The following MYH4 variants were observed in gnomAD, a reference collection of about 807,000 sequenced individuals.
MYH4 encodes the protein myosin-4.
In MYH4, 200 loss-of-function variants were observed where a neutral mutation model predicts 229.9. The observed-to-expected ratio is 0.87, with a 90% confidence interval of 0.78 to 0.98. MYH4 has a LOEUF of 0.98. Among genes scored for constraint, MYH4 ranks in the 50% least tolerant of loss-of-function variants. The pLI, the probability that MYH4 is intolerant of heterozygous loss-of-function variation, is 0.00. For synonymous variants in MYH4, 761 were observed against 834.6 expected, an observed-to-expected ratio of 0.91 and a Z score of 1.52; for missense variants, 2,148 against 2,332.6, an observed-to-expected ratio of 0.92 and a Z score of 1.63.
At chr17:10,463,704 C>CCGGGCGCGGTGG in intron 7 of MYH4, 61 bp from the exon 8 acceptor site, 2 of 1,319,498 alleles carry the variant, frequency 1.5e-6, no homozygotes, top group Non-Finnish European at 2.1e-6. Flanking sequence ...TTCCCATTGA[C>CCGGGCGCGGTGG]CTCTTTCCCT....
chr17:10,461,295 T>G (rs1469796620), intron 11 of MYH4, among the ~76,000 whole-genome samples: 1 of 152,188 alleles, frequency 6.6e-6, no homozygotes, highest in African/African-American at 2.4e-5. Context: ...TGATGTGACT[T>G]GTCCACACTC....
intron 12 of MYH4, among the ~76,000 whole-genome samples, chr17:10,460,567 G>C: frequency 6.6e-6 from 1 of 152,190 alleles, no homozygotes; most frequent in South Asian, 2.1e-4. Context: ...CCTGGCAAAA[G>C]TAGACCACAG....
At chr17:10,448,556 A>G in intron 32 of MYH4, 36 bp from the exon 33 acceptor site, 1 of 1,610,050 alleles carries the variant, frequency 6.2e-7, no homozygotes, top group Non-Finnish European at 8.5e-7. Context: ...AGTTAAGTAG[A>G]AAGAAAAATT....
At position 10,443,347 on chromosome 17, in the gene MYH4, T is replaced by C; in HGVS notation, c.*28A>G. On this transcript the variant is annotated 3_prime_UTR_variant, in exon 40 of 40. Transcript: ENST00000255381. The surrounding 1 kb of genome is among the most constrained non-coding windows in gnomAD (Gnocchi z 4.6). ...GAACTTCACATTTCGTGCATTTCTT[T>C]GGTCACATTTTCTTTCATTAGAATG... 1.2e-6 allele frequency: 2 copies of C among 1,610,772 alleles called. No homozygotes were observed. Among genetic ancestry groups the C allele is most frequent in the South Asian group, 2.2e-5 (2 of 90,848 alleles).
chr17:10,449,772 A>G (rs998746314), intron 30 of MYH4, among the ~76,000 whole-genome samples: 7 of 152,124 alleles, frequency 4.6e-5, no homozygotes, highest in Non-Finnish European at 8.8e-5. Context: ...TCACCAACCT[A>G]TGTAATTCAT....
In MYH4 at chr17:10,450,511, A is replaced by G; in HGVS notation, c.4123T>C (p.Trp1375Arg). 6.2e-7 allele frequency: 1 copy of G among 1,614,040 alleles called. No individual in the cohort carries two copies. The highest frequency in any genetic ancestry group is 8.5e-7 in the Non-Finnish European group (1 of 1,179,952). ...GCGTCCGTCTCGTACTTGGTCCTCC[A>G]CTGGGCAACCTCACTGTTGGCCTTG... The part of the protein sequence containing the change: ...MSKANSEVAQ[W>R]RTKYETDAIQ... The change falls in exon 30 of 40, where the codon TGG (tryptophan) becomes CGG (arginine). Residue 1375 changes from tryptophan (W) to arginine (R), a missense_variant. Coordinates refer to ENST00000255381, the MANE Select transcript of MYH4 (RefSeq NM_017533.2).
rs1037000677 is a variant in MYH4, at chr17:10,447,017, G to C, written c.5165C>G (p.Thr1722Ser). Residue 1722 changes from threonine (T) to serine (S), a missense_variant, in exon 35 of 40, where the codon ACT (threonine) becomes AGT (serine). By Grantham distance (58) the Thr-to-Ser change is moderately conservative. Coordinates refer to ENST00000255381, the MANE Select transcript of MYH4 (RefSeq NM_017533.2). ...DASERVQLLH[T>S]QNTSLINTKK... ...AACCATAGTCTTGAACCTCACCTGAGTGTGCAGAAGTTGCACACGTTCACT... is the reference window on the plus strand; with the variant it reads ...AACCATAGTCTTGAACCTCACCTGACTGTGCAGAAGTTGCACACGTTCACT... 6.2e-7 allele frequency: 1 copy of C among 1,613,700 alleles called. No individual in the cohort carries two copies. The highest frequency in any genetic ancestry group is 2.2e-5 in the East Asian group (1 of 44,898).
chr17:10,459,136 A>G, intron 15 of MYH4, 115 bp downstream of exon 15: 1 of 1,524,986 alleles, frequency 6.6e-7, no homozygotes, highest in South Asian at 1.2e-5. Context: ...ATCAGAATAT[A>G]CGAGTGTGTC....
intron 4 of MYH4, among the ~76,000 whole-genome samples, chr17:10,465,950 A>ATGT (rs1366619159): frequency 1.3e-5 from 2 of 150,052 alleles, no homozygotes; most frequent in Middle Eastern, 3.4e-3. Context: ...AATTTTTTGT[A>ATGT]TTTTTAGTAG....
rs1597421526 is a variant in MYH4, at chr17:10,459,244, T to C, written c.1587+7A>G. On this transcript the variant is annotated splice_region_variant and intron_variant, in intron 15 of 39. Coordinates refer to ENST00000255381, the MANE Select transcript of MYH4 (RefSeq NM_017533.2). Reference sequence around the variant, plus strand: ...CATGTTTTGAAAGCTAGAAAAGTCATATGAACCTTCTCGATGAGCTCGATG... The same window carrying C: ...CATGTTTTGAAAGCTAGAAAAGTCACATGAACCTTCTCGATGAGCTCGATG... 6.2e-7 allele frequency: 1 copy of C among 1,614,014 alleles called. No individual in the cohort carries two copies. The highest frequency in any genetic ancestry group is 8.5e-7 in the Non-Finnish European group (1 of 1,179,946).
At chr17:10,460,342 T>C in intron 12 of MYH4, 21 bp from the exon 13 acceptor site, 3 of 1,518,354 alleles carry the variant, frequency 2.0e-6, no homozygotes, top group Non-Finnish European at 2.7e-6. Context: ...AAGGTGAGAA[T>C]GGTGAAACTG....
At position 10,464,790 on chromosome 17, in the gene MYH4, G is replaced by A. The variant is rs552270693; in HGVS notation, c.506-82C>T. 5.1e-5 allele frequency: 72 copies of A among 1,410,116 alleles called. No homozygotes were observed. In the African/African-American group the frequency reaches 9.6e-4, roughly 19 times the overall value. The allele number at this position is 1,410,116 out of a possible 1,614,324, so 87.4% of individuals were successfully genotyped here. A position where few individuals can be genotyped will look rare whatever the true frequency, so the allele number is the denominator to read the frequency against. ...ACGCAGTACTTATAAACTCAAAATT[G>A]TCTTTTAAAACTCCCCATTTGCAAA... On this transcript the variant is annotated intron_variant, in intron 5 of 39. Transcript: ENST00000255381.
chr17:10,461,856 A>G (rs540046827), intron 11 of MYH4, among the ~76,000 whole-genome samples: 1 of 152,250 alleles, frequency 6.6e-6, no homozygotes, highest in African/African-American at 2.4e-5. Context: ...ATTCTTACCT[A>G]AGACTCTTTC....
chr17:10,452,120 G>GC lies in MYH4; in HGVS notation c.3558_3559insG (p.Leu1187AlafsTer17). ...GCAGCTGCCGTGGCTTCGTGCTGCA[G>GC]GGTGGACTCTTCCAGGTCCCTGCGC... On this transcript the variant is annotated frameshift_variant, in exon 27 of 40. Coordinates refer to ENST00000255381, the MANE Select transcript of MYH4 (RefSeq NM_017533.2). LOFTEE classifies it high-confidence loss of function. 6.2e-7 allele frequency: 1 copy of GC among 1,614,038 alleles called. No individual in the cohort carries two copies. Among genetic ancestry groups the GC allele is most frequent in the Non-Finnish European group, 8.5e-7 (1 of 1,180,004 alleles).
Position 10,444,742 on chromosome 17 carries a change from CT to C in MYH4, c.5572-44del, listed in dbSNP as rs1207188755. On this transcript the variant is annotated intron_variant, in intron 38 of 39. Coordinates refer to ENST00000255381, the MANE Select transcript of MYH4 (RefSeq NM_017533.2). The stretch of plus-strand genomic sequence containing the variant: ...AGATGGTGCCATTATTTTAAAACAA[CT>C]CATGATTTTCTTGAAAACTATAGGC... 3 of 1,612,406 alleles carry C rather than the reference CT, an allele frequency of 1.9e-6. No individual in the cohort carries two copies. The Admixed American group carries it at 5.0e-5, about 27-fold the overall frequency.
chr17:10,468,576 C>T (rs1476000957), intron 2 of MYH4, among the ~76,000 whole-genome samples: 1 of 152,156 alleles, frequency 6.6e-6, no homozygotes, highest in African/African-American at 2.4e-5. Context: ...TACATGTCTC[C>T]ACATGAACAA....
chr17:10,460,092 C>G lies in MYH4; in HGVS notation c.1276G>C (p.Ala426Pro). Reference sequence around the variant, plus strand: ...ATGGCTTTGGCCAGAGCACCCACTGCATTGTACACCTTCAACAGAAGTGAT... The same window carrying G: ...ATGGCTTTGGCCAGAGCACCCACTGGATTGTACACCTTCAACAGAAGTGAT... The part of the protein sequence containing the change: ...KGQTVQQVYN[A>P]VGALAKAIYE... Residue 426 changes from alanine to proline, a missense_variant, in exon 14 of 40, where the codon GCA (alanine) becomes CCA (proline). Ala to Pro is a conservative substitution (Grantham distance 27). Coordinates refer to ENST00000255381, the MANE Select transcript of MYH4 (RefSeq NM_017533.2). 1 of 1,614,202 alleles carries G rather than the reference C, an allele frequency of 6.2e-7. No individual in the cohort carries two copies. Among genetic ancestry groups the G allele is most frequent in the South Asian group, 1.1e-5 (1 of 91,086 alleles).
chr17:10,445,008 C>T lies in MYH4; in HGVS notation c.5434G>A (p.Gly1812Arg). The T allele has an allele frequency of 6.2e-7, 1 of 1,614,146 alleles. No homozygotes were observed. Among genetic ancestry groups the T allele is most frequent in the African/African-American group, 1.3e-5 (1 of 75,046 alleles). The change falls in exon 37 of 40, where the codon GGG becomes AGG. Residue 1812 changes from glycine to arginine, a missense_variant. Gly to Arg is a moderately radical substitution (Grantham distance 125, BLOSUM62 -2). Coordinates refer to ENST00000255381, the MANE Select transcript of MYH4 (RefSeq NM_017533.2). ...TCCAGTTTCTGGATCTGCTTCTTCC[C>T]ACCCTTCAGCGCCAGCTGCTCAGCC... ...DEAEQLALKG[G>R]KKQIQKLEAR...
At chr17:10,452,377 T>A in intron 26 of MYH4, 39 bp downstream of exon 26, 1 of 1,614,156 alleles carries the variant, frequency 6.2e-7, no homozygotes, top group Non-Finnish European at 8.5e-7. Context: ...TCAGTTTTGT[T>A]TCCTGTAATG....
Sources: allele counts gnomAD v4.1 joint callset (sites outside exome capture counted in the v4.1 genomes callset), GRCh38; gene constraint gnomAD v4.1.1; non-coding constraint Gnocchi (gnomAD v3.1); transcripts MANE v1.5; gene names NCBI Gene and HGNC (gene_info 2026-07-23, HGNC 2026-07-21).